Variants in TRMT61A observed in about 807,000 individuals in gnomAD.
TRMT61A encodes the protein tRNA methyltransferase 61A.
Under a neutral mutation model 21.3 loss-of-function variants are expected in TRMT61A, and 15 were observed. The observed-to-expected ratio is 0.70, with a 90% CI of 0.47 to 1.08. The LOEUF (loss-of-function observed/expected upper bound fraction) is 1.08. Ranked by LOEUF, TRMT61A falls within the 50% of genes least tolerant of loss-of-function variation. The pLI, the probability that TRMT61A is intolerant of heterozygous loss-of-function variation, is 0.00. For synonymous variants in TRMT61A, 183 were observed against 185.5 expected (o/e 0.99, Z 0.11); for missense variants, 352 against 426.7 (o/e 0.83, Z 1.54).
chr14:103,532,483 G>A, intron 2 of TRMT61A, 99 bp from the exon 3 acceptor site: 1 of 1,465,506 alleles, frequency 6.8e-7, no homozygotes, highest in Non-Finnish European at 9.5e-7. Flanking sequence ...CCCAAGCCCT[G>A]TGTGGGTCTC....
Position 103,536,291 on chromosome 14 carries a change from G to A in TRMT61A, c.*1470G>A, listed in dbSNP as rs969306666. 3 of 152,364 alleles carry A rather than the reference G, an allele frequency of 2.0e-5. No individual in the cohort carries two copies. The highest frequency in any genetic ancestry group is 6.5e-5 in the Admixed American group (1 of 15,284). 9.4% of individuals were successfully genotyped at this position (152,364 alleles called of 1,614,324 possible). ...TTCCACAGTCCTGGGCTGGAATTCAGTGTGGCTGCCTGGGTTACTTGTATG... is the reference window on the plus strand; with the variant it reads ...TTCCACAGTCCTGGGCTGGAATTCAATGTGGCTGCCTGGGTTACTTGTATG... On this transcript the variant is annotated 3_prime_UTR_variant, in exon 4 of 4. Coordinates refer to ENST00000389749, the MANE Select transcript of TRMT61A (RefSeq NM_152307.3).
chr14:103,533,964 C>T (rs935763368), intron 3 of TRMT61A, among the ~76,000 whole-genome samples: 2 of 152,218 alleles, frequency 1.3e-5, no homozygotes, highest in Non-Finnish European at 2.9e-5. Context: ...CTCTACCCGG[C>T]CCTGGCTTCC....
chr14:103,536,464 C>T lies in TRMT61A; in HGVS notation c.*1643C>T, dbSNP rs2075974314. Reference sequence around the variant, plus strand: ...TGCTCCGAGGGCTTGTCCTCTCCTTCCAGGACCCAGCTTCCCTTCTAACCT... The same window carrying T: ...TGCTCCGAGGGCTTGTCCTCTCCTTTCAGGACCCAGCTTCCCTTCTAACCT... On this transcript the variant is annotated 3_prime_UTR_variant, in exon 4 of 4. Transcript: ENST00000389749. 6.6e-6 allele frequency: 1 copy of T among 152,242 alleles called. No homozygotes were observed. The highest frequency in any genetic ancestry group is 6.5e-5 in the Admixed American group (1 of 15,284). 9.4% of individuals were successfully genotyped at this position (152,242 alleles called of 1,614,324 possible).
rs1339668610 is a variant in TRMT61A, at chr14:103,531,757, C to T, written c.332-825C>T. The stretch of plus-strand genomic sequence containing the variant: ...GCGATGCTCAGCGCTATTTGGGTTC[C>T]AGGCATGGGTGGCAAGTGTGCAGTG... On this transcript the variant is annotated intron_variant, in intron 2 of 3. Transcript: ENST00000389749. The surrounding 1 kb of genome is among the most constrained non-coding windows in gnomAD (Gnocchi z 5.1). 6.6e-6 allele frequency among the ~76,000 whole-genome samples: 1 copy of T among 152,158 alleles called. No individual in the cohort carries two copies. The highest frequency in any genetic ancestry group is 1.5e-5 in the Non-Finnish European group (1 of 68,022).
intron 3 of TRMT61A, among the ~76,000 whole-genome samples, chr14:103,533,093 G>C (rs1314511686): frequency 6.6e-6 from 1 of 152,232 alleles, no homozygotes; most frequent in East Asian, 1.9e-4. Flanking sequence ...CCCTGATGGA[G>C]GAAGGTGGCA....
chr14:103,535,907 A>AG lies in TRMT61A; in HGVS notation c.*1091dup, dbSNP rs1387836936. The AG allele has an allele frequency of 3.9e-5, 6 of 153,436 alleles. No homozygotes were observed. The highest frequency in any genetic ancestry group is 1.4e-4 in the African/African-American group (6 of 41,438). The allele number at this position is 153,436 out of a possible 1,614,324, so 9.5% of individuals were successfully genotyped here. A position where few individuals can be genotyped will look rare whatever the true frequency, so the allele number is the denominator to read the frequency against. On this transcript the variant is annotated 3_prime_UTR_variant, in exon 4 of 4. Coordinates refer to ENST00000389749, the MANE Select transcript of TRMT61A (RefSeq NM_152307.3). ...GCCCTTGGAGCTGCCGCTGGTGCCT[A>AG]GGGGGCCTGGGTTTCTGCCCAGGCA...
At chr14:103,534,523 C>A in intron 3 of TRMT61A, 27 bp from the exon 4 acceptor site, 1 of 1,535,672 alleles carries the variant, frequency 6.5e-7, no homozygotes, top group South Asian at 1.3e-5. Context: ...CCCCTGCCCT[C>A]TGACCCTCGG....
Position 103,534,649 on chromosome 14 carries a change from T to C in TRMT61A, c.698T>C (p.Val233Ala), listed in dbSNP as rs754272698. 3.7e-6 allele frequency: 6 copies of C among 1,610,604 alleles called. No homozygotes were observed. The highest frequency in any genetic ancestry group is 5.1e-6 in the Non-Finnish European group (6 of 1,179,108). Reference protein sequence around the residue: ...RGFSELSTLEVLPQVYNVRTV... With the variant: ...RGFSELSTLEALPQVYNVRTV... ...TTCTCAGAGCTGAGCACCCTGGAGG[T>C]GCTGCCACAGGTCTACAACGTGCGC... Residue 233 changes from valine (V) to alanine (A), a missense_variant, in exon 4 of 4, where the codon GTG (valine) becomes GCG (alanine). Physicochemically the swap from Val to Ala is moderately conservative, Grantham distance 64. Coordinates refer to ENST00000389749, the MANE Select transcript of TRMT61A (RefSeq NM_152307.3).
At position 103,535,054 on chromosome 14, in the gene TRMT61A, G is replaced by A. The variant is rs554706240; in HGVS notation, c.*233G>A. ...AGCCCTGTGGCCCATCCCAGCTGCT[G>A]TTTGTTGCCAATATGAAGTATCCAC... On this transcript the variant is annotated 3_prime_UTR_variant, in exon 4 of 4. Coordinates refer to ENST00000389749, the MANE Select transcript of TRMT61A (RefSeq NM_152307.3). 62 of 708,138 alleles carry A rather than the reference G, an allele frequency of 8.8e-5. No individual in the cohort carries two copies. Among genetic ancestry groups the A allele is most frequent in the Admixed American group, 6.2e-4 (31 of 49,856 alleles). The allele number at this position is 708,138 out of a possible 1,614,324, so 43.9% of individuals were successfully genotyped here.
At position 103,530,197 on chromosome 14, in the gene TRMT61A, C is replaced by T. The variant is rs747027582; in HGVS notation, c.219C>T (p.Pro73=). 4 of 1,612,286 alleles carry T rather than the reference C, an allele frequency of 2.5e-6. No homozygotes were observed. In the East Asian group the frequency reaches 6.7e-5, roughly 27 times the overall value. ...GGGTGTATGTGCTGCACCCCACGCC[C>T]GAGCTCTGGACGCTGAACCTGCCGC... ...GGWVYVLHPT[P]ELWTLNLPHR... is the part of the protein sequence containing the mutation. Residue 73 remains proline, a synonymous_variant, in exon 2 of 4, where the codon CCC becomes CCT. Coordinates refer to ENST00000389749, the MANE Select transcript of TRMT61A (RefSeq NM_152307.3).
At position 103,535,033 on chromosome 14, in the gene TRMT61A, C is replaced by A. The variant is rs767125912; in HGVS notation, c.*212C>A. 2.8e-6 allele frequency: 2 copies of A among 724,376 alleles called. No homozygotes were observed. The highest frequency in any genetic ancestry group is 3.5e-5 in the African/African-American group (2 of 57,680). The allele number at this position is 724,376 out of a possible 1,614,324, so 44.9% of individuals were successfully genotyped here. Reference sequence around the variant, plus strand: ...GGGCCTCAGCCATTCCTGTCCAGCCCTGTGGCCCATCCCAGCTGCTGTTTG... The same window carrying A: ...GGGCCTCAGCCATTCCTGTCCAGCCATGTGGCCCATCCCAGCTGCTGTTTG... On this transcript the variant is annotated 3_prime_UTR_variant, in exon 4 of 4. Coordinates refer to ENST00000389749, the MANE Select transcript of TRMT61A (RefSeq NM_152307.3).
chr14:103,534,016 C>T (rs1444102170), intron 3 of TRMT61A, among the ~76,000 whole-genome samples: 1 of 152,250 alleles, frequency 6.6e-6, no homozygotes, highest in Non-Finnish European at 1.5e-5. Flanking sequence ...GCTGGGTTCT[C>T]ATTCACTGCA....
In TRMT61A at chr14:103,529,215, C is replaced by G. The variant is rs545665644; in HGVS notation, c.-76C>G. Reference sequence around the variant, plus strand: ...GGAAGTGTTGTGGCCGCCGCCGCCGCGCGTCGCGGAGGCACGTGTGGAGCC... The same window carrying G: ...GGAAGTGTTGTGGCCGCCGCCGCCGGGCGTCGCGGAGGCACGTGTGGAGCC... On this transcript the variant is annotated 5_prime_UTR_variant, in exon 1 of 4. Coordinates refer to ENST00000389749, the MANE Select transcript of TRMT61A (RefSeq NM_152307.3). 4.2e-4 allele frequency: 123 copies of G among 290,888 alleles called. 4 individuals carry two copies. Among genetic ancestry groups the G allele is most frequent in the African/African-American group, 2.8e-3 (121 of 43,198 alleles). The allele number at this position is 290,888 out of a possible 1,614,324, so 18.0% of individuals were successfully genotyped here.
chr14:103,532,645 A>C lies in TRMT61A; in HGVS notation c.395A>C (p.His132Pro). The C allele has an allele frequency of 6.2e-7, 1 of 1,613,414 alleles. No individual in the cohort carries two copies. Among genetic ancestry groups the C allele is most frequent in the Middle Eastern group, 1.6e-4 (1 of 6,062 alleles). ...IRTIAPTGHL[H>P]TVEFHQQRAE... ...ACCATTGCACCCACGGGTCACCTGC[A>C]CACGGTGGAGTTCCACCAGCAGCGG... Residue 132 changes from histidine (H) to proline (P), a missense_variant, in exon 3 of 4, where the codon CAC (histidine) becomes CCC (proline). Coordinates refer to ENST00000389749, the MANE Select transcript of TRMT61A (RefSeq NM_152307.3).
rs1566965935 is a variant in TRMT61A, at chr14:103,532,702, AC to A, written c.454del (p.Arg152ValfsTer6). ...AEKAREEFQE[H>X]RVGRWVTVRT... ...AAGGCCCGGGAGGAGTTCCAGGAGC[AC>A]CGTGTGGGCCGCTGGGTGACTGTGC... On this transcript the variant is annotated frameshift_variant, in exon 3 of 4. Transcript: ENST00000389749. LOFTEE classifies it high-confidence loss of function. 12 of 1,612,982 alleles carry A rather than the reference AC, an allele frequency of 7.4e-6. No individual in the cohort carries two copies. The highest frequency in any genetic ancestry group is 1.0e-5 in the Non-Finnish European group (12 of 1,179,910).
rs1169496906 is a variant in TRMT61A at position 103,530,039 on chromosome 14, G to A, written c.61G>A (p.Gly21Ser). Residue 21 changes from glycine to serine, a missense_variant, in exon 2 of 4, where the codon GGC (glycine) becomes AGC (serine). Gly to Ser is a moderately conservative substitution (Grantham distance 56). Coordinates refer to ENST00000389749, the MANE Select transcript of TRMT61A (RefSeq NM_152307.3). ...KEGDTAILSL[G>S]HGAMVAVRVQ... ...GGGTGACACGGCCATCCTGTCACTGGGCCATGGTGCAATGGTGGCGGTGCG... is the reference window on the plus strand; with the variant it reads ...GGGTGACACGGCCATCCTGTCACTGAGCCATGGTGCAATGGTGGCGGTGCG... 4.3e-6 allele frequency: 7 copies of A among 1,612,828 alleles called. No individual in the cohort carries two copies. The highest frequency in any genetic ancestry group is 5.1e-6 in the Non-Finnish European group (6 of 1,179,880).
At chr14:103,529,749 T>C (rs1344150790) in intron 1 of TRMT61A, among the ~76,000 whole-genome samples, 1 of 152,244 alleles carries the variant, frequency 6.6e-6, no homozygotes, top group Admixed American at 6.5e-5. Context: ...TCTCTTGTCC[T>C]AGACCAAGAA....
At chr14:103,533,852 G>A (rs746000056) in intron 3 of TRMT61A, among the ~76,000 whole-genome samples, 15 of 152,316 alleles carry the variant, frequency 9.8e-5, no homozygotes, top group Admixed American at 2.6e-4. Context: ...CACACAGCAG[G>A]TGCCTCCTCT....
intron 3 of TRMT61A, among the ~76,000 whole-genome samples, chr14:103,533,953 C>T (rs1341143585): frequency 2.6e-5 from 4 of 152,222 alleles, no homozygotes; most frequent in Non-Finnish European, 5.9e-5. Flanking sequence ...GGGCCACATA[C>T]CTCTACCCGG....
Sources: gnomAD v4.1 joint callset for allele counts (sites outside exome capture counted in the v4.1 genomes callset) on GRCh38, gnomAD v4.1.1 for gene constraint, Gnocchi (gnomAD v3.1) non-coding constraint, MANE v1.5 for transcripts, NCBI Gene and HGNC (gene_info 2026-07-23, HGNC 2026-07-21) for gene names.